Variants in EBF1 observed in about 807,000 individuals in gnomAD.
EBF1 encodes the protein transcription factor COE1.
In EBF1, 10 loss-of-function variants were observed where a neutral mutation model predicts 68.4. The observed-to-expected ratio is 0.15, with a 90% CI of 0.09 to 0.25. The LOEUF (loss-of-function observed/expected upper bound fraction) is 0.25, where lower values mean the gene tolerates loss of function less well. EBF1 is among the 10% of genes least tolerant of loss of function. The pLI, the probability that EBF1 is intolerant of heterozygous loss-of-function variation, is 1.00. For synonymous variants in EBF1, 298 were observed against 299.8 expected (o/e 0.99, Z 0.06); for missense variants, 509 against 794.4 (o/e 0.64, Z 4.32).
chr5:158,740,047 T>C (rs1464126149), intron 10 of EBF1, among the ~76,000 whole-genome samples: 1 of 152,216 alleles, frequency 6.6e-6, no homozygotes, highest in East Asian at 1.9e-4. Context: ...CTGATCCCTT[T>C]TCACTGGAAA....
At chr5:159,009,239 C>A (rs921374929) in intron 6 of EBF1, among the ~76,000 whole-genome samples, 2 of 152,208 alleles carry the variant, frequency 1.3e-5, no homozygotes, top group South Asian at 4.1e-4. Flanking sequence ...AATCCTGTGT[C>A]CACTTTGTGG....
chr5:159,044,631 A>C (rs1584222522), intron 6 of EBF1, among the ~76,000 whole-genome samples: 1 of 152,198 alleles, frequency 6.6e-6, no homozygotes, highest in East Asian at 1.9e-4. Context: ...TATAACATAA[A>C]AATTAAAAGT....
rs114126350 is a variant in EBF1 at position 158,966,674 on chromosome 5, C to A, written c.554+106722G>T. Among the ~76,000 whole-genome samples, 911 of 152,278 alleles carry A rather than the reference C, an allele frequency of 6.0e-3. 16 individuals carry two copies. The highest frequency in any genetic ancestry group is 0.02 in the African/African-American group (848 of 41,554). On this transcript the variant is annotated intron_variant, in intron 6 of 15. Coordinates refer to ENST00000313708, the MANE Select transcript of EBF1 (RefSeq NM_024007.5). ...CTCCTAGGGCTTTATCGTAACTACC[C>A]TGAAAGCAAGTTCCTTTTTGAATTC... is the stretch of plus-strand genomic sequence containing the variant.
intron 7 of EBF1, among the ~76,000 whole-genome samples, chr5:158,829,209 C>G (rs1786901160): frequency 6.6e-6 from 1 of 152,286 alleles, no homozygotes; most frequent in East Asian, 1.9e-4. Flanking sequence ...CAGGGTCCTG[C>G]TCTGTCACCC....
At chr5:158,965,758 T>C (rs1460267288) in intron 6 of EBF1, among the ~76,000 whole-genome samples, 1 of 152,224 alleles carries the variant, frequency 6.6e-6, no homozygotes, top group East Asian at 1.9e-4. Flanking sequence ...CATAGTAGTA[T>C]TTAGTAGCAT....
chr5:158,768,637 CCA>C (rs1188718314), intron 10 of EBF1, among the ~76,000 whole-genome samples: 2 of 152,048 alleles, frequency 1.3e-5, no homozygotes, highest in Admixed American at 6.6e-5. Context: ...CTAGCGGGTC[CCA>C]CGTCTCTTCG....
chr5:158,822,257 G>C (rs1445271472), intron 8 of EBF1, among the ~76,000 whole-genome samples: 2 of 102,452 alleles, frequency 2.0e-5, no homozygotes, highest in Non-Finnish European at 2.1e-5. Flanking sequence ...TTCTTGGATG[G>C]ACGGATGGAC....
intron 9 of EBF1, among the ~76,000 whole-genome samples, chr5:158,787,168 C>A (rs1170522138): frequency 6.6e-6 from 1 of 152,158 alleles, no homozygotes; most frequent in African/African-American, 2.4e-5. Flanking sequence ...TTCAAGGTTG[C>A]CTTATATATA....
At chr5:158,785,197 C>G (rs1777182750) in intron 9 of EBF1, among the ~76,000 whole-genome samples, 1 of 152,120 alleles carries the variant, frequency 6.6e-6, no homozygotes, top group Non-Finnish European at 1.5e-5. Flanking sequence ...AGAACCAAAT[C>G]AAACTACGGA....
At chr5:158,988,236 C>T (rs191143168) in intron 6 of EBF1, among the ~76,000 whole-genome samples, 4 of 152,264 alleles carry the variant, frequency 2.6e-5, no homozygotes, top group South Asian at 2.1e-4. Flanking sequence ...CAGTGCCCCC[C>T]CTTCTCTTCG....
chr5:159,068,844 C>T (rs917940530), intron 6 of EBF1, among the ~76,000 whole-genome samples: 2 of 151,938 alleles, frequency 1.3e-5, no homozygotes, highest in Admixed American at 6.6e-5. Flanking sequence ...TATAGGAGAC[C>T]CTTGCGTAAG....
chr5:158,766,791 T>C (rs1293216166), intron 10 of EBF1, among the ~76,000 whole-genome samples: 1 of 152,092 alleles, frequency 6.6e-6, no homozygotes, highest in East Asian at 1.9e-4. Flanking sequence ...TAGTGTATAA[T>C]ATAAACAACA....
intron 6 of EBF1, among the ~76,000 whole-genome samples, chr5:158,891,149 T>C (rs1291171375): frequency 2.0e-5 from 3 of 152,210 alleles, no homozygotes; most frequent in Admixed American, 2.0e-4. Context: ...TTGTTTGTTT[T>C]AGTTTGAGCA....
chr5:158,801,366 G>T (rs1195881280), intron 8 of EBF1, among the ~76,000 whole-genome samples: 1 of 152,064 alleles, frequency 6.6e-6, no homozygotes, highest in Non-Finnish European at 1.5e-5. Context: ...CTGTTTGAGG[G>T]CTTCTCTGCT....
chr5:158,880,911 C>T (rs1298437494), intron 6 of EBF1, among the ~76,000 whole-genome samples: 1 of 152,134 alleles, frequency 6.6e-6, no homozygotes, highest in East Asian at 1.9e-4. Flanking sequence ...ATGTCATTCA[C>T]CCAGGAGGTT....
intron 10 of EBF1, among the ~76,000 whole-genome samples, chr5:158,738,538 T>C (rs1765666323): frequency 1.3e-5 from 2 of 152,198 alleles, no homozygotes; most frequent in African/African-American, 4.8e-5. Flanking sequence ...CTTGTAGAGG[T>C]GCCATTTTAA....
intron 6 of EBF1, among the ~76,000 whole-genome samples, chr5:158,901,590 C>G (rs1028928579): frequency 1.3e-5 from 2 of 152,188 alleles, no homozygotes; most frequent in African/African-American, 4.8e-5. Context: ...TTCAGTTAGT[C>G]AACAAGCATT....
chr5:158,862,864 C>A (rs1275772438), intron 6 of EBF1, among the ~76,000 whole-genome samples: 2 of 152,220 alleles, frequency 1.3e-5, no homozygotes, highest in Non-Finnish European at 2.9e-5. Flanking sequence ...TCAACAAGAA[C>A]ATCTGCTCAG....
At chr5:158,868,816 G>A (rs1428990307) in intron 6 of EBF1, among the ~76,000 whole-genome samples, 1 of 152,114 alleles carries the variant, frequency 6.6e-6, no homozygotes, top group South Asian at 2.1e-4. Flanking sequence ...GGGACAAAAG[G>A]GTGGGAATGT....
Sources: allele counts gnomAD v4.1 joint callset (sites outside exome capture counted in the v4.1 genomes callset), GRCh38; gene constraint gnomAD v4.1.1; transcripts MANE v1.5; gene names NCBI Gene and HGNC (gene_info 2026-07-23, HGNC 2026-07-21).